The following SMAD5 variants were observed in gnomAD, a reference collection of about 807,000 sequenced individuals.
The protein encoded by SMAD5 is SMAD family member 5.
A neutral mutation model predicts 43.1 loss-of-function variants in SMAD5; 9 were observed. That is an observed-to-expected ratio of 0.21 (90% CI 0.13 to 0.36). The LOEUF (loss-of-function observed/expected upper bound fraction) is 0.36, where lower values mean the gene tolerates loss of function less well. SMAD5 is among the 10% of genes least tolerant of loss of function. The pLI is 1.00. For synonymous variants in SMAD5, 190 were observed against 192.4 expected, an observed-to-expected ratio of 0.99 and a Z score of 0.10; for missense variants, 348 against 574.0, an observed-to-expected ratio of 0.61 and a Z score of 4.02.
chr5:136,160,249 G>A (rs1051546532), intron 3 of SMAD5, among the ~76,000 whole-genome samples: 9 of 152,232 alleles, frequency 5.9e-5, no homozygotes, highest in South Asian at 2.1e-4. Flanking sequence ...ACTGAACAAC[G>A]TAAAACATGA....
At chr5:136,142,151 G>A (rs1013741563) in intron 1 of SMAD5, among the ~76,000 whole-genome samples, 9 of 152,126 alleles carry the variant, frequency 5.9e-5, no homozygotes, top group Admixed American at 2.0e-4. Flanking sequence ...AGCTCTTCTC[G>A]TGGAATTTAC....
chr5:136,165,209 C>T (rs1033610914), intron 5 of SMAD5, among the ~76,000 whole-genome samples: 1 of 152,006 alleles, frequency 6.6e-6, no homozygotes, highest in Non-Finnish European at 1.5e-5. Context: ...AGTGCAGTGG[C>T]GTGATCATAG....
chr5:136,168,618 G>C (rs1754102650), intron 5 of SMAD5, among the ~76,000 whole-genome samples: 2 of 152,028 alleles, frequency 1.3e-5, no homozygotes, highest in Admixed American at 6.5e-5. Context: ...GTTCATTCTT[G>C]GTTTTGTACA....
At chr5:136,174,286 T>C in intron 6 of SMAD5, 90 bp from the exon 7 acceptor site, 1 of 1,242,896 alleles carries the variant, frequency 8.0e-7, no homozygotes, top group Non-Finnish European at 1.1e-6. Flanking sequence ...TTGCTGTGGA[T>C]TAATGGGTAC....
chr5:136,146,555 G>A (rs1162498060), intron 1 of SMAD5, among the ~76,000 whole-genome samples: 2 of 151,706 alleles, frequency 1.3e-5, no homozygotes, highest in African/African-American at 2.4e-5. Flanking sequence ...AAATCAGAAC[G>A]TATTTTATTT....
chr5:136,170,023 A>AT (rs899094849), intron 5 of SMAD5, among the ~76,000 whole-genome samples: 111 of 149,758 alleles, frequency 7.4e-4, no homozygotes, highest in East Asian at 4.1e-3. Context: ...ACTTTTTCAG[A>AT]TTTTTTTTTT....
rs1043414143 is a variant in SMAD5 at position 136,163,258 on chromosome 5, T to C, written c.656-14T>C. 6.3e-7 allele frequency: 1 copy of C among 1,590,406 alleles called. No individual in the cohort carries two copies. The highest frequency in any genetic ancestry group is 1.4e-5 in the African/African-American group (1 of 73,592). Reference sequence around the variant, plus strand: ...CAGAATGAAGATTTTAATTATTATTTTTTTTCCTCTTAGCTGATACGCCTC... The same window carrying C: ...CAGAATGAAGATTTTAATTATTATTCTTTTTCCTCTTAGCTGATACGCCTC... On this transcript the variant is annotated splice_polypyrimidine_tract_variant and intron_variant, in intron 4 of 7. Coordinates refer to ENST00000545279, the MANE Select transcript of SMAD5 (RefSeq NM_005903.7).
intron 4 of SMAD5, among the ~76,000 whole-genome samples, chr5:136,161,946 A>G (rs1753838900): frequency 6.6e-6 from 1 of 152,264 alleles, no homozygotes; most frequent in Admixed American, 6.5e-5. Flanking sequence ...AAATATCACT[A>G]AATTTATAAA....
Position 136,153,627 on chromosome 5 carries a change from GA to G in SMAD5, c.-132del. 1.5e-6 allele frequency: 1 copy of G among 677,016 alleles called. No individual in the cohort carries two copies. Among genetic ancestry groups the G allele is most frequent in the Middle Eastern group, 3.1e-4 (1 of 3,246 alleles). The allele number at this position is 677,016 out of a possible 1,614,324, so 41.9% of individuals were successfully genotyped here. On this transcript the variant is annotated 5_prime_UTR_variant, in exon 3 of 8. The change creates a premature stop within an existing upstream ORF in the 5' untranslated region. Transcript: ENST00000545279. Reference sequence around the variant, plus strand: ...AATGAAAGAAGCATATGGCACTTGTGAAGATAAATGTTACTCCTCCCTTTTT... The same window carrying G: ...AATGAAAGAAGCATATGGCACTTGTGAGATAAATGTTACTCCTCCCTTTTT...
intron 1 of SMAD5, among the ~76,000 whole-genome samples, chr5:136,137,116 A>G (rs1467555495): frequency 7.8e-6 from 1 of 128,914 alleles, no homozygotes; most frequent in South Asian, 2.4e-4. Context: ...TCCTCCTTTT[A>G]CTGTATCCTA....
At chr5:136,147,228 G>A (rs1224774012) in intron 1 of SMAD5, among the ~76,000 whole-genome samples, 1 of 151,762 alleles carries the variant, frequency 6.6e-6, no homozygotes, top group Non-Finnish European at 1.5e-5. Context: ...TTTTTATGCA[G>A]TGGTAGTAAG....
Position 136,177,448 on chromosome 5 carries a change from T to A in SMAD5, c.1366T>A (p.Ser456Thr). The change falls in exon 8 of 8, where the codon TCC becomes ACC. Residue 456 changes from serine (S) to threonine (T), a missense_variant. Physicochemically the swap from Ser to Thr is moderately conservative, Grantham distance 58 (BLOSUM62 1). Coordinates refer to ENST00000545279, the MANE Select transcript of SMAD5 (RefSeq NM_005903.7). ...GGATAAAGTCCTTACTCAGATGGGC[T>A]CCCCTCTGAACCCCATATCTTCTGT... The part of the protein sequence containing the change: ...WLDKVLTQMG[S>T]PLNPISSVS 2.5e-6 allele frequency: 4 copies of A among 1,611,514 alleles called. No homozygotes were observed. The highest frequency in any genetic ancestry group is 3.4e-6 in the Non-Finnish European group (4 of 1,178,116).
intron 1 of SMAD5, among the ~76,000 whole-genome samples, chr5:136,140,470 A>C (rs201970205): frequency 6.6e-6 from 1 of 152,106 alleles, no homozygotes; most frequent in Non-Finnish European, 1.5e-5. Context: ...TTCTCAGGCT[A>C]TACTGGTCTT....
rs1338218715 is a variant in SMAD5, at chr5:136,178,629, G to A, written c.*1149G>A. Reference sequence around the variant, plus strand: ...AATCCCATTGCTCTTACAAGTGTCAGCTTACTTGTATCAGCCTCCCTACGC... The same window carrying A: ...AATCCCATTGCTCTTACAAGTGTCAACTTACTTGTATCAGCCTCCCTACGC... On this transcript the variant is annotated 3_prime_UTR_variant, in exon 8 of 8. Coordinates refer to ENST00000545279, the MANE Select transcript of SMAD5 (RefSeq NM_005903.7). The A allele has an allele frequency of 1.3e-5, 2 of 152,306 alleles. No individual in the cohort carries two copies. The highest frequency in any genetic ancestry group is 4.8e-5 in the African/African-American group (2 of 41,550). 9.4% of individuals were successfully genotyped at this position (152,306 alleles called of 1,614,324 possible).
chr5:136,152,969 T>C (rs528358636), intron 2 of SMAD5, among the ~76,000 whole-genome samples: 1 of 152,326 alleles, frequency 6.6e-6, no homozygotes, highest in East Asian at 1.9e-4. Flanking sequence ...TCTCTTTAAA[T>C]TTATTCAACA....
chr5:136,149,303 G>A (rs1753370420), intron 2 of SMAD5, among the ~76,000 whole-genome samples: 1 of 151,606 alleles, frequency 6.6e-6, no homozygotes, highest in South Asian at 2.1e-4. Context: ...TTGTTTTTTG[G>A]TGGACACAGC....
At chr5:136,140,348 C>T (rs1446969240) in intron 1 of SMAD5, among the ~76,000 whole-genome samples, 1 of 152,166 alleles carries the variant, frequency 6.6e-6, no homozygotes, top group Non-Finnish European at 1.5e-5. Flanking sequence ...ACTGAGTTCA[C>T]AGTTTCCTTA....
intron 1 of SMAD5, among the ~76,000 whole-genome samples, chr5:136,143,447 C>T (rs771898995): frequency 4.7e-4 from 71 of 151,994 alleles, no homozygotes; most frequent in Admixed American, 8.5e-4. Context: ...GAACTCTACA[C>T]GGCACATAGA....
intron 3 of SMAD5, among the ~76,000 whole-genome samples, chr5:136,157,356 A>G (rs980847838): frequency 1.3e-5 from 2 of 152,192 alleles, no homozygotes; most frequent in Non-Finnish European, 2.9e-5. Context: ...GCTTTTTGGC[A>G]CCAGGGTCTA....
Sources: gnomAD v4.1 joint callset for allele counts (sites outside exome capture counted in the v4.1 genomes callset) on GRCh38, gnomAD v4.1.1 for gene constraint, MANE v1.5 for transcripts, NCBI Gene and HGNC (gene_info 2026-07-23, HGNC 2026-07-21) for gene names.